The following GET1 variants were observed in gnomAD, a reference collection of about 807,000 sequenced individuals.
The protein encoded by GET1 is congenital heart disease 5 protein.
Under a neutral mutation model 22.6 loss-of-function variants are expected in GET1, and 20 were observed. That is an observed-to-expected ratio of 0.89 (90% CI 0.62 to 1.29). The LOEUF is 1.29. GET1 is among the 50% of genes most tolerant of loss of function. The pLI, the probability that GET1 is intolerant of heterozygous loss-of-function variation, is 0.00. For missense variants in GET1, 209 were observed against 219.9 expected, an observed-to-expected ratio of 0.95 and a Z score of 0.31; for synonymous variants, 92 against 83.8, an observed-to-expected ratio of 1.10 and a Z score of -0.53.
chr21:39,392,648 C>G (rs2038381992), intron 3 of GET1, among the ~76,000 whole-genome samples: 1 of 152,108 alleles, frequency 6.6e-6, no homozygotes, highest in South Asian at 2.1e-4. Context: ...TAAAGCATCC[C>G]CCACCATTGA....
downstream of GET1, among the ~76,000 whole-genome samples, chr21:39,399,675 A>C (rs1158127645): frequency 6.6e-6 from 1 of 152,118 alleles, no homozygotes; most frequent in African/African-American, 2.4e-5. Flanking sequence ...TCTTGACCTC[A>C]GGTGATCCAC....
chr21:39,406,748 A>G, downstream of GET1: 1 of 660,508 alleles, frequency 1.5e-6, no homozygotes, highest in Non-Finnish European at 2.5e-6. Flanking sequence ...AAATAGATGC[A>G]TAGACAAAAG....
chr21:39,418,883 A>G (rs766137990), intron 1 of GET1, among the ~76,000 whole-genome samples: 2 of 152,230 alleles, frequency 1.3e-5, no homozygotes, highest in African/African-American at 2.4e-5. Context: ...AAATTCCCCA[A>G]TTGTGTCTCC....
exon 5 of GET1, chr21:39,406,377 A>C: frequency 6.2e-7 from 1 of 1,613,702 alleles, no homozygotes; most frequent in Non-Finnish European, 8.5e-7. Flanking sequence ...TGCCTTTGCC[A>C]AGTGTGTCAT....
At chr21:39,385,271 A>C (rs2037809534) in intron 1 of GET1, among the ~76,000 whole-genome samples, 1 of 152,038 alleles carries the variant, frequency 6.6e-6, no homozygotes, top group African/African-American at 2.4e-5. Flanking sequence ...CGATCTCAGC[A>C]CTCAGTCTAG....
intron 1 of GET1, chr21:39,420,671 G>A: frequency 6.4e-7 from 1 of 1,573,004 alleles, no homozygotes; most frequent in Non-Finnish European, 8.7e-7. Context: ...CGGGAAACAG[G>A]ATTTCATTCT....
chr21:39,413,607 T>G (rs1238336219), intron 1 of GET1, among the ~76,000 whole-genome samples: 1 of 152,198 alleles, frequency 6.6e-6, no homozygotes, highest in African/African-American at 2.4e-5. Flanking sequence ...AATTTAAGTT[T>G]CTGGAGGCAA....
intron 1 of GET1, among the ~76,000 whole-genome samples, chr21:39,421,115 T>C (rs1379531253): frequency 6.6e-6 from 1 of 151,732 alleles, no homozygotes; most frequent in African/African-American, 2.4e-5. Flanking sequence ...TTTTTTTTTT[T>C]TTTCTAAGTT....
chr21:39,396,009 T>G (rs2147000651), intron 4 of GET1, among the ~76,000 whole-genome samples: 1 of 152,284 alleles, frequency 6.6e-6, no homozygotes. Context: ...GTAATGCACA[T>G]CTCTCTGGCA....
At position 39,392,728 on chromosome 21, in the gene GET1, C is replaced by T. The variant is rs1480234381; in HGVS notation, c.337-438C>T. Among the ~76,000 whole-genome samples the T allele has an allele frequency of 2.0e-5, 3 of 152,166 alleles. No individual in the cohort carries two copies. In the East Asian group the frequency reaches 5.8e-4, roughly 29 times the overall value. ...TACGTGGGAGAATTCACTATTTTTTCCAAGGATGGCTTTCGTCACTAATAA... is the reference window on the plus strand; with the variant it reads ...TACGTGGGAGAATTCACTATTTTTTTCAAGGATGGCTTTCGTCACTAATAA... On this transcript the variant is annotated intron_variant, in intron 3 of 4. Transcript: ENST00000649170.
chr21:39,404,750 CAAAA>C (rs748914343), intron 4 of GET1, among the ~76,000 whole-genome samples: 1 of 88,166 alleles, frequency 1.1e-5, no homozygotes, highest in African/African-American at 4.6e-5. Context: ...GAGACACTGT[CAAAA>C]AAAAAAAAAA....
chr21:39,385,570 G>A (rs1240217837), intron 1 of GET1, among the ~76,000 whole-genome samples: 4 of 152,228 alleles, frequency 2.6e-5, no homozygotes, highest in Non-Finnish European at 5.9e-5. Context: ...TTCAGCTATA[G>A]AGGGGAACAA....
In GET1 at chr21:39,397,070, T is replaced by A; in HGVS notation, c.*131T>A. 1 of 942,038 alleles carries A rather than the reference T, an allele frequency of 1.1e-6. No homozygotes were observed. Among genetic ancestry groups the A allele is most frequent in the East Asian group, 2.6e-5 (1 of 38,996 alleles). The allele number at this position is 942,038 out of a possible 1,614,324, so 58.4% of individuals were successfully genotyped here. A position where few individuals can be genotyped will look rare whatever the true frequency, so the allele number is the denominator to read the frequency against. On this transcript the variant is annotated 3_prime_UTR_variant, in exon 5 of 5. Transcript: ENST00000649170. ...TAGATTTTTTTTTTGTTGAATATGTTTGTTCTTGGACTTTATGAGAGAGTC... is the reference window on the plus strand; with the variant it reads ...TAGATTTTTTTTTTGTTGAATATGTATGTTCTTGGACTTTATGAGAGAGTC...
intron 4 of GET1, among the ~76,000 whole-genome samples, 176 bp from the exon 5 acceptor site, chr21:39,396,685 CAAAAA>C (rs5843962): frequency 5.1e-5 from 5 of 97,884 alleles, no homozygotes; most frequent in Non-Finnish European, 4.2e-5. Flanking sequence ...GACTCCGTCT[CAAAAA>C]AAAAAAAAAA....
At chr21:39,393,567 A>G (rs2038447787) in intron 4 of GET1, among the ~76,000 whole-genome samples, 1 of 152,200 alleles carries the variant, frequency 6.6e-6, no homozygotes, top group South Asian at 2.1e-4. Flanking sequence ...TTGAAACACT[A>G]GCCGTAGTTC....
intron 3 of GET1, 53 bp downstream of exon 3, chr21:39,391,889 C>T (rs761115533): frequency 1.3e-6 from 2 of 1,581,192 alleles, no homozygotes; most frequent in Admixed American, 1.7e-5. Flanking sequence ...CCCCGGCCTC[C>T]AGAGCCGTGT....
downstream of GET1, chr21:39,410,190 A>G (rs1401727271): frequency 2.4e-6 from 3 of 1,237,450 alleles, no homozygotes; most frequent in South Asian, 1.2e-5. Context: ...CTTTTCACAT[A>G]GAACAAGTGA....
At chr21:39,406,523 T>C (rs959907382) in exon 5 of GET1, 1 of 1,613,316 alleles carries the variant, frequency 6.2e-7, no homozygotes, top group Non-Finnish European at 8.5e-7. Flanking sequence ...AAAATGTTTT[T>C]CTTTTCTTGG....
At chr21:39,398,892 A>C (rs1262653657), downstream of GET1, among the ~76,000 whole-genome samples, 1 of 150,472 alleles carries the variant, frequency 6.6e-6, no homozygotes, top group Non-Finnish European at 1.5e-5. Context: ...GGCGCCCGCC[A>C]TGACGCCCAG....
Sources: allele counts gnomAD v4.1 joint callset (sites outside exome capture counted in the v4.1 genomes callset), GRCh38; gene constraint gnomAD v4.1.1; transcripts MANE v1.5; gene names NCBI Gene and HGNC (gene_info 2026-07-23, HGNC 2026-07-21).